The following SHISA9 variants were observed in gnomAD, a reference collection of about 807,000 sequenced individuals.
The protein encoded by SHISA9 is protein shisa-9.
Under a neutral mutation model 38.0 loss-of-function variants are expected in SHISA9, and 13 were observed. The ratio of observed to expected loss-of-function variants is 0.34; its 90% CI spans 0.22 to 0.54. The LOEUF is 0.54. Among genes scored for constraint, SHISA9 ranks in the 20% least tolerant of loss-of-function variants. The pLI, the probability that SHISA9 is intolerant of heterozygous loss-of-function variation, is 0.91. For synonymous variants in SHISA9, 275 were observed against 242.0 expected, an observed-to-expected ratio of 1.14 and a Z score of -1.27; for missense variants, 538 against 575.8, an observed-to-expected ratio of 0.93 and a Z score of 0.67.
At chr16:13,456,536 G>T in the SHISA9 span, among the ~76,000 whole-genome samples, 13 of 152,352 alleles carry the variant, frequency 8.5e-5, no homozygotes, top group African/African-American at 2.6e-4. Context: ...CATATCCAAA[G>T]TGAGGTCCAG....
chr16:13,355,159 A>G, the SHISA9 span, among the ~76,000 whole-genome samples: 105,336 of 146,714 alleles, frequency 0.72, 38,651 homozygotes, highest in East Asian at 0.96. Flanking sequence ...GATAAGGCAC[A>G]GATACTGAAC....
chr16:13,405,572 C>A, the SHISA9 span, among the ~76,000 whole-genome samples: 3 of 152,192 alleles, frequency 2.0e-5, no homozygotes, highest in African/African-American at 7.2e-5. Context: ...TTGATCCTAT[C>A]ACCCAGGCAC....
At chr16:13,353,567 A>G in the SHISA9 span, among the ~76,000 whole-genome samples, 1 of 151,930 alleles carries the variant, frequency 6.6e-6, no homozygotes, top group South Asian at 2.1e-4. Flanking sequence ...GACAGAAGAT[A>G]GTAGGGATGA....
the SHISA9 span, among the ~76,000 whole-genome samples, chr16:13,399,269 A>T: frequency 1.3e-5 from 2 of 151,924 alleles, no homozygotes; most frequent in Non-Finnish European, 2.9e-5. Context: ...AAAAAAAAAG[A>T]AGCTAGAAAG....
At chr16:13,234,758 T>G (rs2819684) in intron 4 of SHISA9, among the ~76,000 whole-genome samples, 2 of 151,910 alleles carry the variant, frequency 1.3e-5, no homozygotes, top group Non-Finnish European at 2.9e-5. Context: ...GGTGGGACTG[T>G]GGGGGGAGAA....
chr16:13,213,414 A>AGATGCCACCC, intron 4 of SHISA9, 114 bp downstream of exon 4: 1 of 949,388 alleles, frequency 1.1e-6, no homozygotes, highest in Non-Finnish European at 1.6e-6. Flanking sequence ...GTGTGTCTGC[A>AGATGCCACCC]TAGGGTGGCA....
intron 2 of SHISA9, among the ~76,000 whole-genome samples, chr16:12,985,813 G>C (rs1265326871): frequency 6.6e-6 from 1 of 152,290 alleles, no homozygotes; most frequent in South Asian, 2.1e-4. Flanking sequence ...CTTTCTCAGA[G>C]GACTTTTCTG....
chr16:13,414,171 T>G, the SHISA9 span, among the ~76,000 whole-genome samples: 1 of 152,224 alleles, frequency 6.6e-6, no homozygotes, highest in Non-Finnish European at 1.5e-5. Flanking sequence ...GTATACAGTT[T>G]AAAATTATCA....
At chr16:13,197,231 CAA>C (rs1345675702) in intron 2 of SHISA9, among the ~76,000 whole-genome samples, 1 of 151,888 alleles carries the variant, frequency 6.6e-6, no homozygotes, top group Non-Finnish European at 1.5e-5. Context: ...GTGTGCTCGA[CAA>C]AACAACACTA....
At chr16:13,461,449 C>G in the SHISA9 span, among the ~76,000 whole-genome samples, 1 of 151,758 alleles carries the variant, frequency 6.6e-6, no homozygotes, top group South Asian at 2.1e-4. Context: ...CGTGGTGGCA[C>G]AAGCCTGTAA....
intron 2 of SHISA9, among the ~76,000 whole-genome samples, chr16:13,137,367 A>G (rs573843268): frequency 1.3e-5 from 2 of 152,020 alleles, no homozygotes; most frequent in South Asian, 4.2e-4. Flanking sequence ...TAAAAGATCA[A>G]CTCACTTATT....
intron 2 of SHISA9, among the ~76,000 whole-genome samples, chr16:13,003,878 A>AATG (rs2072559397): frequency 1.4e-5 from 2 of 147,434 alleles, no homozygotes; most frequent in African/African-American, 2.5e-5. Context: ...TAATAATAAT[A>AATG]ATAATAATAA....
chr16:12,909,779 G>T (rs2071155588), intron 1 of SHISA9: 1 of 165,192 alleles, frequency 6.1e-6, no homozygotes, highest in Non-Finnish European at 1.3e-5. Flanking sequence ...TAACTTGCTA[G>T]TTTACTGGTT....
intron 2 of SHISA9, among the ~76,000 whole-genome samples, chr16:13,052,907 G>T (rs906382901): frequency 1.3e-5 from 2 of 151,320 alleles, no homozygotes; most frequent in Non-Finnish European, 2.9e-5. Context: ...TACTCAAGTT[G>T]GCACAGCTAT....
chr16:13,233,181 T>G (rs1395959444), intron 4 of SHISA9, among the ~76,000 whole-genome samples: 1 of 152,074 alleles, frequency 6.6e-6, no homozygotes, highest in Non-Finnish European at 1.5e-5. Flanking sequence ...TTGTAGGATA[T>G]GACTCCCAGA....
Position 12,972,041 on chromosome 16 carries a change from T to TTGTGTGTGTGTGTGTGTG in SHISA9, c.691+55250_691+55267dup, listed in dbSNP as rs72368949. ...GGCAAAATCTCTGCTCTCTTGGAGT[T>TTGTGTGTGTGTGTGTGTG]TGTGTGTGTGTGTGTGTGTGTGTGT... On this transcript the variant is annotated intron_variant, in intron 2 of 4. Transcript: ENST00000558583. Among the ~76,000 whole-genome samples, 17 of 141,946 alleles carry TTGTGTGTGTGTGTGTGTG rather than the reference T, an allele frequency of 1.2e-4. 1 individual carries two copies. The highest frequency in any genetic ancestry group is 1.7e-4 in the Non-Finnish European group (11 of 65,568). 93.1% of individuals were successfully genotyped at this position (141,946 alleles called of 152,430 possible).
the SHISA9 span, among the ~76,000 whole-genome samples, chr16:13,447,711 G>A: frequency 2.6e-5 from 4 of 152,202 alleles, no homozygotes; most frequent in Non-Finnish European, 4.4e-5. Context: ...CCAGGCTAAT[G>A]AGACTCGGAG....
At chr16:13,173,882 C>T (rs1183738648) in intron 2 of SHISA9, among the ~76,000 whole-genome samples, 1 of 152,096 alleles carries the variant, frequency 6.6e-6, no homozygotes, top group Non-Finnish European at 1.5e-5. Flanking sequence ...TCAGGGAGGG[C>T]TTCCTGGAGG....
At chr16:12,970,078 C>G (rs946659038) in intron 2 of SHISA9, among the ~76,000 whole-genome samples, 2 of 150,776 alleles carry the variant, frequency 1.3e-5, no homozygotes, top group Non-Finnish European at 3.0e-5. Context: ...AATAAATGGG[C>G]TTTATTATGT....
Sources: allele counts gnomAD v4.1 joint callset (sites outside exome capture counted in the v4.1 genomes callset), GRCh38; gene constraint gnomAD v4.1.1; transcripts MANE v1.5; gene names NCBI Gene and HGNC (gene_info 2026-07-23, HGNC 2026-07-21).